ASH1L: variants seen among roughly 807,000 people sequenced by gnomAD.
The protein encoded by ASH1L is ASH1 like histone lysine methyltransferase, also known as histone-lysine N-methyltransferase ASH1L.
Under a neutral mutation model 269.0 loss-of-function variants are expected in ASH1L, and 23 were observed. The ratio of observed to expected loss-of-function variants is 0.09; its 90% CI spans 0.06 to 0.12. The LOEUF is 0.12. ASH1L is among the 10% of genes least tolerant of loss of function. The probability of loss-of-function intolerance (pLI) is 1.00; values close to 1 mark genes in which losing one functional copy is unlikely to be tolerated. For synonymous variants in ASH1L, 1,187 were observed against 1,253.5 expected (o/e 0.95, Z 1.12); for missense variants, 2,912 against 3,567.8 (o/e 0.82, Z 4.68).
chr1:155,373,465 AATT>A (rs1656162281), intron 10 of ASH1L, among the ~76,000 whole-genome samples: 2 of 151,650 alleles, frequency 1.3e-5, no homozygotes, highest in Admixed American at 6.6e-5. Flanking sequence ...TTAAAAAAAA[AATT>A]ATTTGTAGAG....
rs181364864 is a variant in ASH1L, at chr1:155,537,073, A to C, written c.-99-15455T>G. 2.9e-3 allele frequency among the ~76,000 whole-genome samples: 443 copies of C among 152,082 alleles called. 6 individuals are homozygous for C. Among genetic ancestry groups the C allele is most frequent in the Admixed American group, 0.025 (378 of 15,256 alleles). On this transcript the variant is annotated intron_variant, in intron 1 of 27. Coordinates refer to ENST00000392403, the MANE Select transcript of ASH1L (RefSeq NM_018489.3). ...AAAAAAAAAGGGAAAAAAGAAAGAA[A>C]TTCAACACAGAAAGGCAATTATTTA...
intron 4 of ASH1L, among the ~76,000 whole-genome samples, chr1:155,454,526 C>T (rs1409700947): frequency 1.3e-5 from 2 of 152,160 alleles, no homozygotes; most frequent in African/African-American, 4.8e-5. Flanking sequence ...CCAGCACTTT[C>T]GGAGGCCGAG....
rs1057012944 is a variant in ASH1L, at chr1:155,517,877, T to C, written c.420+3223A>G. Among the ~76,000 whole-genome samples the C allele has an allele frequency of 1.6e-4, 20 of 127,532 alleles. No homozygotes were observed. The East Asian group carries it at 5.7e-3, about 36-fold the overall frequency. The allele number at this position is 127,532 out of a possible 152,430, so 83.7% of individuals were successfully genotyped here. A position where few individuals can be genotyped will look rare whatever the true frequency, so the allele number is the denominator to read the frequency against. On this transcript the variant is annotated intron_variant, in intron 2 of 27. Transcript: ENST00000392403. The stretch of plus-strand genomic sequence containing the variant: ...GTGCAGTGGCGGGATCTCGGCTCAC[T>C]GCAAGCTCCGCCTCCCGGGTTCACG...
At chr1:155,547,959 G>T (rs1250933430) in intron 1 of ASH1L, among the ~76,000 whole-genome samples, 1 of 152,216 alleles carries the variant, frequency 6.6e-6, no homozygotes, top group Non-Finnish European at 1.5e-5. Flanking sequence ...CTGGGCGACA[G>T]AGCGAGACTC....
chr1:155,438,974 T>C lies in ASH1L; in HGVS notation c.5181A>G (p.Gln1727=). 1 of 1,614,224 alleles carries C rather than the reference T, an allele frequency of 6.2e-7. No homozygotes were observed. The highest frequency in any genetic ancestry group is 8.5e-7 in the Non-Finnish European group (1 of 1,180,034). ...LLQRMVQNED[Q]EPMEKSIDAV... Reference sequence around the variant, plus strand: ...CATCAATACTTTTCTCCATGGGCTCTTGGTCCTCATTTTGTACCATCCGCT... The same window carrying C: ...CATCAATACTTTTCTCCATGGGCTCCTGGTCCTCATTTTGTACCATCCGCT... Residue 1727 remains glutamine, a synonymous_variant, in exon 5 of 28, where the codon CAA becomes CAG. Transcript: ENST00000392403.
chr1:155,347,576 A>AAG, intron 20 of ASH1L, 80 bp downstream of exon 20: 1 of 1,573,160 alleles, frequency 6.4e-7, no homozygotes, highest in Admixed American at 1.7e-5. Context: ...AGCCAATCCA[A>AAG]AAGAGGCATG....
Position 155,482,282 on chromosome 1 carries a change from A to C in ASH1L, c.588T>G (p.Leu196=). The change falls in exon 3 of 28, where the codon CTT becomes CTG. Residue 196 remains leucine (L), a synonymous_variant. Transcript: ENST00000392403. ...TTAAATCAGGATCCCGGCTACCAAG[A>C]AGAGTAGATGGCGTTGCATTAATAT... ...ADYINATPST[L]LGSRDPDLKD... is the part of the protein sequence containing the mutation. 6.2e-7 allele frequency: 1 copy of C among 1,614,154 alleles called. No homozygotes were observed. The highest frequency in any genetic ancestry group is 8.5e-7 in the Non-Finnish European group (1 of 1,180,004).
At chr1:155,429,381 C>T (rs1661430712) in intron 5 of ASH1L, among the ~76,000 whole-genome samples, 1 of 152,130 alleles carries the variant, frequency 6.6e-6, no homozygotes, top group Non-Finnish European at 1.5e-5. Context: ...TCAAGTGATT[C>T]TCCCACTTGG....
intron 1 of ASH1L, among the ~76,000 whole-genome samples, chr1:155,551,495 C>G (rs891090400): frequency 6.6e-5 from 10 of 150,462 alleles, no homozygotes; most frequent in Middle Eastern, 3.2e-3. Context: ...CCCGTCTCTA[C>G]TAAAAATACA....
intron 2 of ASH1L, among the ~76,000 whole-genome samples, chr1:155,490,654 A>ACT (rs1218582438): frequency 3.0e-4 from 45 of 148,348 alleles, no homozygotes; most frequent in African/African-American, 6.2e-4. Flanking sequence ...ATACACACAC[A>ACT]CTCTCTCTCT....
At chr1:155,548,602 TG>T (rs1571133325) in intron 1 of ASH1L, among the ~76,000 whole-genome samples, 1 of 152,220 alleles carries the variant, frequency 6.6e-6, no homozygotes, top group African/African-American at 2.4e-5. Context: ...AGTTAGTACT[TG>T]TTAGAGTTTC....
At chr1:155,547,725 A>T (rs1341319981) in intron 1 of ASH1L, among the ~76,000 whole-genome samples, 5 of 150,060 alleles carry the variant, frequency 3.3e-5, no homozygotes, top group Non-Finnish European at 5.9e-5. Flanking sequence ...CTCAGTCTCA[A>T]AAAAAAAAAG....
intron 1 of ASH1L, among the ~76,000 whole-genome samples, chr1:155,522,686 ATTTT>A (rs34562141): frequency 7.1e-6 from 1 of 141,230 alleles, no homozygotes. Flanking sequence ...AGATTAGTGA[ATTTT>A]TTTTTTTTTT....
chr1:155,349,431 C>T lies in ASH1L; in HGVS notation c.7450G>A (p.Asp2484Asn). Residue 2484 changes from aspartate (D) to asparagine (N), a missense_variant, in exon 19 of 28, where the codon GAT (aspartate) becomes AAT (asparagine). By Grantham distance (23) the Asp-to-Asn change is conservative. Transcript: ENST00000392403. Reference sequence around the variant, plus strand: ...TCTATGGTGATAAGATCTAGGGGATCAGAGATCTTCTCATAATAATCAGCA... The same window carrying T: ...TCTATGGTGATAAGATCTAGGGGATTAGAGATCTTCTCATAATAATCAGCA... ...KNADYYEKIS[D>N]PLDLITIEKQ... 6.2e-7 allele frequency: 1 copy of T among 1,614,122 alleles called. No individual in the cohort carries two copies. The highest frequency in any genetic ancestry group is 1.1e-5 in the South Asian group (1 of 91,086).
intron 17 of ASH1L, among the ~76,000 whole-genome samples, chr1:155,350,886 A>G (rs548275511): frequency 2.9e-4 from 43 of 146,254 alleles, no homozygotes; most frequent in Middle Eastern, 7.8e-3. Context: ...GTGCCACTGC[A>G]CTCCAGCCTG....
At chr1:155,486,194 C>T (rs1205403506) in intron 2 of ASH1L, among the ~76,000 whole-genome samples, 1 of 152,130 alleles carries the variant, frequency 6.6e-6, no homozygotes, top group Non-Finnish European at 1.5e-5. Flanking sequence ...TCCCTCTTTA[C>T]ATGTGGCACC....
chr1:155,499,431 A>G (rs1453078493), intron 2 of ASH1L, among the ~76,000 whole-genome samples: 3 of 152,202 alleles, frequency 2.0e-5, no homozygotes, highest in African/African-American at 7.2e-5. Context: ...ACTAGTTACG[A>G]AAGAGGTACA....
At chr1:155,436,511 T>TTTC (rs1662108684) in intron 5 of ASH1L, among the ~76,000 whole-genome samples, 1 of 146,402 alleles carries the variant, frequency 6.8e-6, no homozygotes, top group Admixed American at 6.8e-5. Context: ...TTTTTTTTTT[T>TTTC]TTTGAGAAGG....
At chr1:155,509,106 T>C (rs6688636) in intron 2 of ASH1L, among the ~76,000 whole-genome samples, 80,016 of 152,092 alleles carry the variant, frequency 0.53, 24,274 homozygotes, top group Middle Eastern at 0.69. Flanking sequence ...TATAAATTAA[T>C]AGGCAAAAGT....
Sources: gnomAD v4.1 joint callset for allele counts (sites outside exome capture counted in the v4.1 genomes callset) on GRCh38, gnomAD v4.1.1 for gene constraint, MANE v1.5 for transcripts, NCBI Gene and HGNC (gene_info 2026-07-23, HGNC 2026-07-21) for gene names.